DCC: variants seen among roughly 807,000 people sequenced by gnomAD.
DCC encodes the protein netrin receptor DCC.
A neutral mutation model predicts 172.5 loss-of-function variants in DCC; 58 were observed. That is an observed-to-expected ratio of 0.34 (90% CI 0.27 to 0.42). The LOEUF is 0.42. Among genes scored for constraint, DCC ranks in the 10% least tolerant of loss-of-function variants. The pLI is 1.00. For synonymous variants in DCC, 709 were observed against 644.5 expected (o/e 1.10, Z -1.52); for missense variants, 1,740 against 1,791.0 (o/e 0.97, Z 0.51).
chr18:52,671,516 A>G (rs1295565848), intron 1 of DCC, among the ~76,000 whole-genome samples: 3 of 149,044 alleles, frequency 2.0e-5, no homozygotes, highest in African/African-American at 7.4e-5. Flanking sequence ...AGCATTGCTC[A>G]GTATCATATG....
intron 1 of DCC, among the ~76,000 whole-genome samples, chr18:52,568,294 C>T (rs1249275384): frequency 6.6e-6 from 1 of 152,086 alleles, no homozygotes; most frequent in African/African-American, 2.4e-5. Context: ...ATCATAATCA[C>T]TCCAAACTAG....
At chr18:52,556,829 C>T (rs2032928042) in intron 1 of DCC, among the ~76,000 whole-genome samples, 1 of 152,082 alleles carries the variant, frequency 6.6e-6, no homozygotes, top group African/African-American at 2.4e-5. Context: ...TCTGATCAGC[C>T]ATCAGAATGT....
intron 5 of DCC, among the ~76,000 whole-genome samples, chr18:53,008,280 C>A (rs2041675216): frequency 6.6e-6 from 1 of 151,976 alleles, no homozygotes; most frequent in African/African-American, 2.4e-5. Context: ...ACTTGTGGAC[C>A]ATTTTTACCA....
chr18:52,420,131 T>C (rs1363063694), intron 1 of DCC, among the ~76,000 whole-genome samples: 2 of 152,172 alleles, frequency 1.3e-5, no homozygotes, highest in Non-Finnish European at 2.9e-5. Flanking sequence ...CATTTTTAAA[T>C]AATGGTTGTG....
intron 7 of DCC, among the ~76,000 whole-genome samples, chr18:53,148,797 A>G (rs1485571722): frequency 1.3e-5 from 2 of 151,390 alleles, no homozygotes; most frequent in Non-Finnish European, 2.9e-5. Flanking sequence ...CCTTCCACAG[A>G]CGAAGCATGC....
At chr18:52,965,828 C>A (rs1042842635) in intron 5 of DCC, among the ~76,000 whole-genome samples, 4 of 152,154 alleles carry the variant, frequency 2.6e-5, no homozygotes, top group African/African-American at 7.2e-5. Context: ...CAAATGAGTT[C>A]TCTTTCCACT....
chr18:52,778,681 T>C (rs193251575), intron 2 of DCC, among the ~76,000 whole-genome samples: 12 of 152,316 alleles, frequency 7.9e-5, no homozygotes, highest in African/African-American at 2.2e-4. Context: ...GTTTTTTCTT[T>C]TTCTTTTCTC....
chr18:52,939,029 T>A (rs1469102017), intron 5 of DCC, among the ~76,000 whole-genome samples: 1 of 152,004 alleles, frequency 6.6e-6, no homozygotes, highest in Non-Finnish European at 1.5e-5. Flanking sequence ...CTCAAGGGAC[T>A]TCCACTTTTT....
chr18:53,260,153 C>T (rs193194186), intron 12 of DCC, among the ~76,000 whole-genome samples: 300 of 152,098 alleles, frequency 2.0e-3, no homozygotes, highest in African/African-American at 6.3e-3. Context: ...TTCGAACTTC[C>T]TCCTTTAGCT....
At chr18:53,354,705 G>A (rs2057856355) in intron 15 of DCC, among the ~76,000 whole-genome samples, 1 of 151,298 alleles carries the variant, frequency 6.6e-6, no homozygotes, top group East Asian at 1.9e-4. Flanking sequence ...CCATTCTGTA[G>A]GTTGCCTGTT....
intron 1 of DCC, among the ~76,000 whole-genome samples, chr18:52,574,334 C>A (rs1354782506): frequency 6.6e-6 from 1 of 152,118 alleles, no homozygotes; most frequent in Non-Finnish European, 1.5e-5. Context: ...AAAGTGCATA[C>A]TTTGGCATTG....
chr18:52,717,139 T>C (rs970235798), intron 1 of DCC, among the ~76,000 whole-genome samples: 2 of 152,182 alleles, frequency 1.3e-5, no homozygotes, highest in African/African-American at 4.8e-5. Flanking sequence ...CTTCTGCAGA[T>C]TGACCGAGAG....
chr18:52,984,880 T>G (rs921194976), intron 5 of DCC, among the ~76,000 whole-genome samples: 2 of 152,168 alleles, frequency 1.3e-5, no homozygotes, highest in South Asian at 4.1e-4. Flanking sequence ...TAATTTTCTT[T>G]ATTATTTGAC....
At chr18:52,395,946 T>G (rs1986209168) in intron 1 of DCC, among the ~76,000 whole-genome samples, 1 of 151,996 alleles carries the variant, frequency 6.6e-6, no homozygotes, top group African/African-American at 2.4e-5. Flanking sequence ...TTTCCACAGA[T>G]TCACATAAGT....
At chr18:52,471,422 G>A (rs1436228517) in intron 1 of DCC, among the ~76,000 whole-genome samples, 1 of 152,162 alleles carries the variant, frequency 6.6e-6, no homozygotes, top group Non-Finnish European at 1.5e-5. Context: ...TCATCAGTTT[G>A]TATCATTATG....
chr18:53,251,664 CGT>C (rs1483898787), intron 12 of DCC, among the ~76,000 whole-genome samples: 1 of 151,630 alleles, frequency 6.6e-6, no homozygotes. Context: ...TATCAAATTG[CGT>C]GTGTGAGTGT....
At chr18:52,393,859 AT>A in intron 1 of DCC, among the ~76,000 whole-genome samples, 1 of 152,228 alleles carries the variant, frequency 6.6e-6, no homozygotes, top group Non-Finnish European at 1.5e-5. Flanking sequence ...AGGATTAAAA[AT>A]TACTAGACTA....
chr18:53,372,389 T>C (rs535710005), intron 15 of DCC, among the ~76,000 whole-genome samples: 3 of 152,208 alleles, frequency 2.0e-5, no homozygotes, highest in South Asian at 4.1e-4. Flanking sequence ...TTCTCACTTA[T>C]AAGTGTTTGC....
intron 2 of DCC, among the ~76,000 whole-genome samples, chr18:52,903,007 G>C (rs1369072665): frequency 6.6e-6 from 1 of 152,094 alleles, no homozygotes; most frequent in Non-Finnish European, 1.5e-5. Context: ...ATTCTGTTAA[G>C]TCTAATTATA....
Sources: gnomAD v4.1 joint callset for allele counts (sites outside exome capture counted in the v4.1 genomes callset) on GRCh38, gnomAD v4.1.1 for gene constraint, MANE v1.5 for transcripts, NCBI Gene and HGNC (gene_info 2026-07-23, HGNC 2026-07-21) for gene names.